TATDN1: variants seen among roughly 807,000 people sequenced by gnomAD.
The protein encoded by TATDN1 is TatD DNase domain containing 1.
TATDN1 carries 40 observed loss-of-function variants against 46.4 expected under a neutral mutation model. The observed-to-expected ratio is 0.86, with a 90% CI of 0.67 to 1.12. The LOEUF is 1.12. TATDN1 is among the 50% of genes most tolerant of loss of function. The pLI is 0.00. For missense variants in TATDN1, 326 were observed against 348.4 expected (o/e 0.94, Z 0.51); for synonymous variants, 95 against 105.6 (o/e 0.90, Z 0.62).
At chr8:124,490,379 G>A (rs1816868959) in intron 11 of TATDN1, 1 of 152,086 alleles carries the variant, frequency 6.6e-6, no homozygotes, top group African/African-American at 2.4e-5. Flanking sequence ...GCATGGTGGT[G>A]GACGCCTGTA....
chr8:124,526,381 T>C (rs982761664), intron 1 of TATDN1, among the ~76,000 whole-genome samples: 4 of 152,234 alleles, frequency 2.6e-5, no homozygotes, highest in Non-Finnish European at 5.9e-5. Flanking sequence ...CATAAGCCTA[T>C]TGGCATGTAA....
At chr8:124,516,530 G>T (rs1349773892) in intron 4 of TATDN1, among the ~76,000 whole-genome samples, 2 of 151,170 alleles carry the variant, frequency 1.3e-5, no homozygotes, top group Admixed American at 1.3e-4. Flanking sequence ...GGCTGGTCTC[G>T]AACTCCTGAG....
In TATDN1 at chr8:124,488,537, A is replaced by G. The variant is rs749661923; in HGVS notation, c.*57T>C. The G allele has an allele frequency of 2.3e-6, 2 of 878,396 alleles. No individual in the cohort carries two copies. The highest frequency in any genetic ancestry group is 3.7e-6 in the Non-Finnish European group (2 of 543,708). 54.4% of individuals were successfully genotyped at this position (878,396 alleles called of 1,614,324 possible). On this transcript the variant is annotated 3_prime_UTR_variant, in exon 12 of 12. Coordinates refer to ENST00000276692, the MANE Select transcript of TATDN1 (RefSeq NM_032026.4). ...AGATAATTTCTTTATTGAAACTATC[A>G]GGAAGTTTTACTATGAAATTTTACA...
chr8:124,493,803 T>C, intron 11 of TATDN1, 30 bp downstream of exon 11: 1 of 1,571,970 alleles, frequency 6.4e-7, no homozygotes, highest in Non-Finnish European at 8.6e-7. Context: ...TAACTAATGA[T>C]TTTGAAGACC....
Position 124,530,604 on chromosome 8 carries a change from C to T in TATDN1, c.23-7602G>A, listed in dbSNP as rs1820870497. Among the ~76,000 whole-genome samples the T allele has an allele frequency of 2.6e-5, 4 of 152,148 alleles. No individual in the cohort carries two copies. The South Asian group carries it at 8.3e-4, about 32-fold the overall frequency. ...TTATCTGACAAACTTAAGGGACTGT[C>T]CTTAAGTAAGAGAACATCTCACTAC... On this transcript the variant is annotated intron_variant, in intron 1 of 11. Transcript: ENST00000276692.
chr8:124,535,209 C>A (rs1423276991), intron 1 of TATDN1, among the ~76,000 whole-genome samples: 1 of 152,186 alleles, frequency 6.6e-6, no homozygotes, highest in Non-Finnish European at 1.5e-5. Context: ...CAAAAAGACA[C>A]TTAGCACTTA....
intron 8 of TATDN1, among the ~76,000 whole-genome samples, chr8:124,505,719 T>G (rs7013683): frequency 0.55 from 83,030 of 150,766 alleles, 24,182 homozygotes; most frequent in African/African-American, 0.75. Context: ...AAAAAGTAGG[T>G]TCACCTAAAC....
At chr8:124,523,303 G>A (rs540874118) in intron 1 of TATDN1, 41 of 275,766 alleles carry the variant, frequency 1.5e-4, no homozygotes, top group Non-Finnish European at 2.5e-4. Flanking sequence ...ACCCAACCTA[G>A]TCTGGTGGCT....
intron 10 of TATDN1, 96 bp downstream of exon 10, chr8:124,495,376 T>C (rs935978570): frequency 3.5e-6 from 3 of 867,614 alleles, no homozygotes; most frequent in African/African-American, 3.4e-5. Flanking sequence ...TTTAAAATAC[T>C]TGTTCACTTA....
intron 9 of TATDN1, chr8:124,503,911 T>C: frequency 7.7e-7 from 1 of 1,294,182 alleles, no homozygotes; most frequent in Non-Finnish European, 1.0e-6. Flanking sequence ...AATAAACCGT[T>C]CGTCCATAGT....
At chr8:124,502,340 CA>C (rs1278936566) in intron 9 of TATDN1, among the ~76,000 whole-genome samples, 227 of 64,690 alleles carry the variant, frequency 3.5e-3, no homozygotes, top group South Asian at 0.026. Context: ...GAGTCCCTCT[CA>C]AAAAAAAAAA....
At chr8:124,522,486 G>A (rs926763444) in intron 2 of TATDN1, among the ~76,000 whole-genome samples, 10 of 151,844 alleles carry the variant, frequency 6.6e-5, no homozygotes, top group South Asian at 2.1e-4. Flanking sequence ...GTGTGGTCTC[G>A]GCTCACTGCA....
At chr8:124,534,774 AC>A (rs1318220625) in intron 1 of TATDN1, among the ~76,000 whole-genome samples, 1 of 152,188 alleles carries the variant, frequency 6.6e-6, no homozygotes, top group African/African-American at 2.4e-5. Context: ...CATTTCAGAT[AC>A]CAATTACAAG....
At chr8:124,531,627 G>A (rs995377718) in intron 1 of TATDN1, among the ~76,000 whole-genome samples, 64 of 152,118 alleles carry the variant, frequency 4.2e-4, no homozygotes, top group Admixed American at 4.1e-3. Flanking sequence ...AGAATACATC[G>A]TCAACCATTA....
At chr8:124,527,855 A>G (rs971132258) in intron 1 of TATDN1, among the ~76,000 whole-genome samples, 3 of 150,834 alleles carry the variant, frequency 2.0e-5, no homozygotes, top group Admixed American at 1.3e-4. Flanking sequence ...AGGAATAGAG[A>G]GATGGCAGGC....
chr8:124,516,305 A>T (rs1027953191), intron 4 of TATDN1, among the ~76,000 whole-genome samples: 33 of 144,284 alleles, frequency 2.3e-4, no homozygotes, highest in Non-Finnish European at 3.1e-4. Flanking sequence ...GCAAAGTGAA[A>T]TTTTTTTTTT....
chr8:124,504,219 T>C (rs970539561), intron 9 of TATDN1, 52 bp downstream of exon 9: 2 of 1,359,166 alleles, frequency 1.5e-6, no homozygotes, highest in Admixed American at 2.1e-5. Context: ...TAAGACAATT[T>C]AAGAAATCTG....
chr8:124,527,895 T>C (rs1586669760), intron 1 of TATDN1, among the ~76,000 whole-genome samples: 1 of 151,306 alleles, frequency 6.6e-6, no homozygotes. Flanking sequence ...ATAAGAGATA[T>C]AAGAGCCAAA....
In TATDN1 at chr8:124,495,495, C is replaced by T; in HGVS notation, c.641G>A (p.Ser214Asn). 1 of 1,608,748 alleles carries T rather than the reference C, an allele frequency of 6.2e-7. No individual in the cohort carries two copies. Among genetic ancestry groups the T allele is most frequent in the African/African-American group, 1.3e-5 (1 of 74,730 alleles). ...ACCTGTCTCAATCATTAATTTTTCACTAGGAATTGACTTCAAAACTTCCAA... is the reference window on the plus strand; with the variant it reads ...ACCTGTCTCAATCATTAATTTTTCATTAGGAATTGACTTCAAAACTTCCAA... The part of the protein sequence containing the change: ...ANLEVLKSIP[S>N]EKLMIETDAP... Residue 214 changes from serine to asparagine, a missense_variant, in exon 10 of 12, where the codon AGT (serine) becomes AAT (asparagine). Physicochemically the swap from Ser to Asn is conservative, Grantham distance 46 (BLOSUM62 1). Coordinates refer to ENST00000276692, the MANE Select transcript of TATDN1 (RefSeq NM_032026.4).
Sources: allele counts gnomAD v4.1 joint callset (sites outside exome capture counted in the v4.1 genomes callset), GRCh38; gene constraint gnomAD v4.1.1; transcripts MANE v1.5; gene names NCBI Gene and HGNC (gene_info 2026-07-23, HGNC 2026-07-21).